Variants in LINS1 observed in about 807,000 individuals in gnomAD.
LINS1 encodes the protein protein Lines homolog 1.
In LINS1, 27 loss-of-function variants were observed where a neutral mutation model predicts 41.6. That is an observed-to-expected ratio of 0.65 (90% CI 0.48 to 0.89). The LOEUF is 0.89. Ranked by LOEUF, LINS1 falls within the 40% of genes least tolerant of loss-of-function variation. The probability of loss-of-function intolerance (pLI) is 0.00; values close to 1 mark genes in which losing one functional copy is unlikely to be tolerated. For synonymous variants in LINS1, 336 were observed against 312.9 expected (o/e 1.07, Z -0.78); for missense variants, 955 against 884.1 (o/e 1.08, Z -1.02).
At chr15:100,586,305 T>C (rs1229785444) in intron 1 of LINS1, 3 of 152,254 alleles carry the variant, frequency 2.0e-5, no homozygotes, top group Non-Finnish European at 4.4e-5. Context: ...CATATCTTGA[T>C]TGATGTCTCA....
intron 1 of LINS1, among the ~76,000 whole-genome samples, chr15:100,595,633 AATT>A (rs1179699873): frequency 6.6e-6 from 1 of 152,240 alleles, no homozygotes; most frequent in Non-Finnish European, 1.5e-5. Flanking sequence ...TCTATGTTTG[AATT>A]CAGAATACAA....
At chr15:100,589,650 G>C (rs972601368) in intron 1 of LINS1, among the ~76,000 whole-genome samples, 1 of 152,176 alleles carries the variant, frequency 6.6e-6, no homozygotes, top group Non-Finnish European at 1.5e-5. Context: ...GAATATATTG[G>C]TGTGGTGGCT....
chr15:100,587,282 C>CA (rs2038851169), intron 1 of LINS1, among the ~76,000 whole-genome samples: 2 of 150,816 alleles, frequency 1.3e-5, no homozygotes, highest in African/African-American at 4.9e-5. Flanking sequence ...CACACTATGT[C>CA]TACTGTTTTG....
chr15:100,599,861 T>C (rs566730807), intron 1 of LINS1, among the ~76,000 whole-genome samples: 100 of 152,182 alleles, frequency 6.6e-4, no homozygotes, highest in African/African-American at 1.8e-3. Context: ...AGGTCAGAGG[T>C]TCGAGACCAG....
chr15:100,600,720 A>G (rs1186639579), intron 1 of LINS1, among the ~76,000 whole-genome samples: 2 of 152,176 alleles, frequency 1.3e-5, no homozygotes, highest in African/African-American at 2.4e-5. Context: ...ATGAAATATG[A>G]TTGCTGGGAA....
At chr15:100,599,289 A>G (rs1302755735) in intron 1 of LINS1, among the ~76,000 whole-genome samples, 2 of 152,246 alleles carry the variant, frequency 1.3e-5, no homozygotes, top group Non-Finnish European at 2.9e-5. Context: ...CTGCTTTTAC[A>G]TCATTGAAAA....
rs181615668 is a variant in LINS1, at chr15:100,570,520, T to C, written c.1395-403A>G. 2.6e-3 allele frequency: 417 copies of C among 159,644 alleles called. 4 individuals carry two copies. The highest frequency in any genetic ancestry group is 4.9e-3 in the Non-Finnish European group (352 of 72,496). The allele number at this position is 159,644 out of a possible 1,614,324, so 9.9% of individuals were successfully genotyped here. On this transcript the variant is annotated intron_variant, in intron 6 of 6. Coordinates refer to ENST00000314742, the MANE Select transcript of LINS1 (RefSeq NM_001040616.3). ...ACTCCATGCTCCTGGCCACAATGAC[T>C]GGTTCTGACAAGGCTCTGTGACCCA...
At chr15:100,594,856 C>T (rs767236768) in intron 1 of LINS1, among the ~76,000 whole-genome samples, 2 of 152,146 alleles carry the variant, frequency 1.3e-5, no homozygotes, top group Non-Finnish European at 2.9e-5. Context: ...GCAGAACCTA[C>T]TGGAATGGAA....
chr15:100,593,267 A>ATTC (rs1567100036), intron 1 of LINS1, among the ~76,000 whole-genome samples: 2 of 152,196 alleles, frequency 1.3e-5, no homozygotes. Flanking sequence ...AGGAGCAGTG[A>ATTC]TTCTCTTAGT....
intron 1 of LINS1, among the ~76,000 whole-genome samples, chr15:100,581,697 A>C (rs1316726211): frequency 6.6e-6 from 1 of 152,176 alleles, no homozygotes; most frequent in East Asian, 1.9e-4. Context: ...CCTGGGAAGG[A>C]GGGGGGTTTT....
chr15:100,589,029 A>T (rs530687231), intron 1 of LINS1, among the ~76,000 whole-genome samples: 1 of 152,320 alleles, frequency 6.6e-6, no homozygotes, highest in South Asian at 2.1e-4. Flanking sequence ...GTCAGACTTT[A>T]TCTGCATTTC....
intron 4 of LINS1, 109 bp from the exon 5 acceptor site, chr15:100,574,350 G>C: frequency 2.6e-6 from 2 of 769,582 alleles, no homozygotes; most frequent in Non-Finnish European, 4.3e-6. Flanking sequence ...AACAGATTTG[G>C]AATGTTTACC....
Position 100,580,648 on chromosome 15 carries a change from A to G in LINS1, c.195T>C (p.Gly65=), listed in dbSNP as rs755026505. 1 of 1,613,962 alleles carries G rather than the reference A, an allele frequency of 6.2e-7. No homozygotes were observed. Among genetic ancestry groups the G allele is most frequent in the Admixed American group, 1.7e-5 (1 of 59,916 alleles). ...IQGRHQPISV[G]VAPIAVAPVC... ...CAGGTGCTACAGCAATGGGAGCCAC[A>G]CCAACAGAGATGGGCTGATGCCTGC... Residue 65 remains glycine (G), a synonymous_variant, in exon 2 of 7, where the codon GGT becomes GGC. Coordinates refer to ENST00000314742, the MANE Select transcript of LINS1 (RefSeq NM_001040616.3).
At chr15:100,584,569 AG>A (rs1248733662) in intron 1 of LINS1, among the ~76,000 whole-genome samples, 3 of 145,854 alleles carry the variant, frequency 2.1e-5, no homozygotes, top group Admixed American at 6.8e-5. Flanking sequence ...TTAGAGACAG[AG>A]GAAAAAAAAA....
intron 1 of LINS1, among the ~76,000 whole-genome samples, chr15:100,600,497 C>T (rs941377109): frequency 8.1e-6 from 1 of 122,940 alleles, no homozygotes; most frequent in Non-Finnish European, 1.6e-5. Flanking sequence ...TTTAACAATA[C>T]TAATAAAATA....
At chr15:100,583,735 T>C (rs565705241) in intron 1 of LINS1, among the ~76,000 whole-genome samples, 4 of 152,322 alleles carry the variant, frequency 2.6e-5, no homozygotes, top group African/African-American at 9.6e-5. Flanking sequence ...CTCCTTCCTC[T>C]TCAAGAGGTT....
Position 100,580,460 on chromosome 15 carries a change from T to G in LINS1, c.383A>C (p.Lys128Thr), listed in dbSNP as rs1282819467. ...ATGGCTTACTAATTTAGAATCGACT[T>G]TGGCTGATTCTAAGAGAATTTTAAT... ...DVIKILLESAKVDSKLICMFQ... is the reference protein window; with the variant it reads ...DVIKILLESATVDSKLICMFQ... The change falls in exon 2 of 7, where the codon AAA becomes ACA. Residue 128 changes from lysine (K) to threonine (T), a missense_variant. Coordinates refer to ENST00000314742, the MANE Select transcript of LINS1 (RefSeq NM_001040616.3). 1 of 1,613,748 alleles carries G rather than the reference T, an allele frequency of 6.2e-7. No individual in the cohort carries two copies. Among genetic ancestry groups the G allele is most frequent in the African/African-American group, 1.3e-5 (1 of 74,922 alleles).
At chr15:100,597,271 T>G (rs1596974412) in intron 1 of LINS1, among the ~76,000 whole-genome samples, 1 of 152,296 alleles carries the variant, frequency 6.6e-6, no homozygotes, top group East Asian at 1.9e-4. Context: ...CAAATCTTTT[T>G]TTTTTTTTTT....
Position 100,580,810 on chromosome 15 carries a change from T to C in LINS1, c.33A>G (p.Leu11=), listed in dbSNP as rs2141310210. The change falls in exon 2 of 7, where the codon TTA becomes TTG. Residue 11 remains leucine, a synonymous_variant. Transcript: ENST00000314742. ...TGGCTCCAAGAAGTACCTTCTTGTA[T>C]AACTCTTCTAAAACTTCACAGAAAA... MKVFCEVLEE[L]YKKVLLGATL... 3 of 1,612,688 alleles carry C rather than the reference T, an allele frequency of 1.9e-6. No homozygotes were observed. The East Asian group carries it at 6.7e-5, about 36-fold the overall frequency.
Sources: gnomAD v4.1 joint callset for allele counts (sites outside exome capture counted in the v4.1 genomes callset) on GRCh38, gnomAD v4.1.1 for gene constraint, MANE v1.5 for transcripts, NCBI Gene and HGNC (gene_info 2026-07-23, HGNC 2026-07-21) for gene names.